HS6ST3: variants seen among roughly 807,000 people sequenced by gnomAD.
The protein encoded by HS6ST3 is heparan-sulfate 6-O-sulfotransferase 3.
Under a neutral mutation model 36.7 loss-of-function variants are expected in HS6ST3, and 12 were observed. The observed-to-expected ratio is 0.33, with a 90% CI of 0.21 to 0.53. HS6ST3 has a LOEUF of 0.53. Among genes scored for constraint, HS6ST3 ranks in the 20% least tolerant of loss-of-function variants. The probability of loss-of-function intolerance (pLI) is 0.95; values close to 1 mark genes in which losing one functional copy is unlikely to be tolerated. For missense variants in HS6ST3, 584 were observed against 640.9 expected (o/e 0.91, Z 0.96); for synonymous variants, 240 against 257.5 (o/e 0.93, Z 0.65).
intron 1 of HS6ST3, among the ~76,000 whole-genome samples, chr13:96,679,316 A>G (rs1327493558): frequency 6.6e-6 from 1 of 151,728 alleles, no homozygotes; most frequent in Non-Finnish European, 1.5e-5. Flanking sequence ...TTAATTAACA[A>G]TATGAGACTT....
rs868653790 is a variant in HS6ST3, at chr13:96,445,977, T to C, written c.707+354408T>C. 1.7e-4 allele frequency among the ~76,000 whole-genome samples: 26 copies of C among 151,846 alleles called. 1 individual carries two copies. In the South Asian group the frequency reaches 4.4e-3, roughly 26 times the overall value. The stretch of plus-strand genomic sequence containing the variant: ...CACGAAGTCAGGAGATTGAGACCAT[T>C]CTGGCTAACACGGTGAAACCCCGTC... On this transcript the variant is annotated intron_variant, in intron 1 of 1. Coordinates refer to ENST00000376705, the MANE Select transcript of HS6ST3 (RefSeq NM_153456.4).
chr13:96,097,066 A>C (rs2053794755), intron 1 of HS6ST3, among the ~76,000 whole-genome samples: 1 of 152,194 alleles, frequency 6.6e-6, no homozygotes, highest in Non-Finnish European at 1.5e-5. Context: ...ATTTGCTATA[A>C]ATCAGAAAGA....
chr13:96,543,757 A>G (rs539955020), intron 1 of HS6ST3, among the ~76,000 whole-genome samples: 20 of 152,276 alleles, frequency 1.3e-4, no homozygotes, highest in African/African-American at 4.8e-4. Context: ...CTTCAGTTAC[A>G]TAGGAAACAT....
chr13:96,132,480 C>T (rs2053981119), intron 1 of HS6ST3, among the ~76,000 whole-genome samples: 1 of 151,860 alleles, frequency 6.6e-6, no homozygotes, highest in African/African-American at 2.4e-5. Context: ...AATCACAGCT[C>T]ACTACAGCCT....
chr13:96,478,373 C>T (rs1264788602), intron 1 of HS6ST3, among the ~76,000 whole-genome samples: 1 of 152,180 alleles, frequency 6.6e-6, no homozygotes, highest in Admixed American at 6.5e-5. Flanking sequence ...TCGCCGGAGT[C>T]CTAAGCGGCA....
intron 1 of HS6ST3, among the ~76,000 whole-genome samples, chr13:96,687,481 C>T (rs1474505713): frequency 6.6e-6 from 1 of 151,948 alleles, no homozygotes; most frequent in African/African-American, 2.4e-5. Flanking sequence ...TGTAAACATG[C>T]TCACAGTTGA....
chr13:96,641,775 G>A (rs989201604), intron 1 of HS6ST3, among the ~76,000 whole-genome samples: 1 of 151,534 alleles, frequency 6.6e-6, no homozygotes, highest in Non-Finnish European at 1.5e-5. Flanking sequence ...GCAAATATTT[G>A]TTCCTATATA....
intron 1 of HS6ST3, among the ~76,000 whole-genome samples, chr13:96,400,170 C>G (rs1486721469): frequency 6.6e-6 from 1 of 151,754 alleles, no homozygotes; most frequent in African/African-American, 2.4e-5. Context: ...CACACACACA[C>G]ACACACACAC....
At chr13:96,256,165 A>G (rs1031732979) in intron 1 of HS6ST3, among the ~76,000 whole-genome samples, 1 of 152,214 alleles carries the variant, frequency 6.6e-6, no homozygotes, top group African/African-American at 2.4e-5. Flanking sequence ...CCGTCATGCC[A>G]TAGTGTATGC....
intron 1 of HS6ST3, among the ~76,000 whole-genome samples, chr13:96,546,337 C>T (rs1209406807): frequency 6.7e-6 from 1 of 149,076 alleles, no homozygotes; most frequent in Non-Finnish European, 1.5e-5. Context: ...TGTGTTCACA[C>T]TTGTGTGTGA....
intron 1 of HS6ST3, among the ~76,000 whole-genome samples, chr13:96,821,563 A>G (rs9516763): frequency 0.2 from 30,671 of 152,224 alleles, 3,206 homozygotes; most frequent in African/African-American, 0.24. Flanking sequence ...ACTTGGACAT[A>G]GTATGGATTC....
chr13:96,739,141 T>A (rs1245961395), intron 1 of HS6ST3, among the ~76,000 whole-genome samples: 3 of 151,972 alleles, frequency 2.0e-5, no homozygotes, highest in Non-Finnish European at 2.9e-5. Flanking sequence ...TTTTTCCTCC[T>A]ATCCCTTTTA....
At chr13:96,525,013 T>G (rs2056108238) in intron 1 of HS6ST3, among the ~76,000 whole-genome samples, 1 of 152,206 alleles carries the variant, frequency 6.6e-6, no homozygotes, top group South Asian at 2.1e-4. Flanking sequence ...TTGTATAAAT[T>G]TAAAGGATAC....
intron 1 of HS6ST3, among the ~76,000 whole-genome samples, chr13:96,593,329 G>A (rs573512343): frequency 1.2e-4 from 18 of 150,342 alleles, no homozygotes; most frequent in South Asian, 4.2e-4. Context: ...GATTACAGGC[G>A]CACACCACCA....
chr13:96,207,394 G>T (rs1401518506), intron 1 of HS6ST3, among the ~76,000 whole-genome samples: 3 of 151,986 alleles, frequency 2.0e-5, no homozygotes, highest in Non-Finnish European at 4.4e-5. Flanking sequence ...GTGTAAATTA[G>T]TTCAACCATT....
chr13:96,155,583 T>G (rs1482251675), intron 1 of HS6ST3, among the ~76,000 whole-genome samples: 1 of 21,684 alleles, frequency 4.6e-5, no homozygotes, highest in Non-Finnish European at 1.2e-4. Flanking sequence ...TTAAAAAAGG[T>G]TAAGGATTTT....
chr13:96,564,688 C>G (rs147837896), intron 1 of HS6ST3, among the ~76,000 whole-genome samples: 8 of 152,272 alleles, frequency 5.3e-5, no homozygotes, highest in Non-Finnish European at 8.8e-5. Flanking sequence ...CACATGATCT[C>G]GCTACACTGA....
At chr13:96,455,476 C>T (rs1259497915) in intron 1 of HS6ST3, among the ~76,000 whole-genome samples, 1 of 152,036 alleles carries the variant, frequency 6.6e-6, no homozygotes, top group African/African-American at 2.4e-5. Flanking sequence ...GATCTGCCTG[C>T]CTTAGCCTCC....
At chr13:96,592,384 G>GT (rs1594813946) in intron 1 of HS6ST3, among the ~76,000 whole-genome samples, 1 of 152,092 alleles carries the variant, frequency 6.6e-6, no homozygotes, top group East Asian at 1.9e-4. Flanking sequence ...TCTTTAAAAA[G>GT]TTGTTGTAGT....
Sources: allele counts gnomAD v4.1 joint callset (sites outside exome capture counted in the v4.1 genomes callset), GRCh38; gene constraint gnomAD v4.1.1; transcripts MANE v1.5; gene names NCBI Gene and HGNC (gene_info 2026-07-23, HGNC 2026-07-21).